CLVS1: variants seen among roughly 807,000 people sequenced by gnomAD.
CLVS1 encodes clavesin-1.
Under a neutral mutation model 33.1 loss-of-function variants are expected in CLVS1, and 10 were observed. That is an observed-to-expected ratio of 0.30 (90% CI 0.19 to 0.51). The LOEUF is 0.51. Ranked by LOEUF, CLVS1 falls within the 20% of genes least tolerant of loss-of-function variation. The pLI, the probability that CLVS1 is intolerant of heterozygous loss-of-function variation, is 0.97. For missense variants in CLVS1, 343 were observed against 433.4 expected (o/e 0.79, Z 1.85); for synonymous variants, 163 against 166.1 (o/e 0.98, Z 0.14).
intron 2 of CLVS1, among the ~76,000 whole-genome samples, chr8:61,244,061 A>T (rs1431990125): frequency 6.6e-6 from 1 of 152,156 alleles, no homozygotes; most frequent in East Asian, 1.9e-4. Flanking sequence ...GAGTGGTGAA[A>T]AATTTGTCAC....
intron 5 of CLVS1, among the ~76,000 whole-genome samples, chr8:61,488,139 C>T (rs1369648844): frequency 1.3e-5 from 2 of 152,190 alleles, no homozygotes; most frequent in African/African-American, 2.4e-5. Context: ...GAAATATCCA[C>T]GTGATTGAAA....
At chr8:61,177,088 G>A (rs979071872) in intron 2 of CLVS1, among the ~76,000 whole-genome samples, 1 of 152,150 alleles carries the variant, frequency 6.6e-6, no homozygotes, top group Non-Finnish European at 1.5e-5. Context: ...GGCGGGGCGG[G>A]GGGGCAAAGG....
intron 1 of CLVS1, among the ~76,000 whole-genome samples, chr8:61,078,776 G>A (rs994234785): frequency 6.6e-6 from 1 of 152,022 alleles, no homozygotes; most frequent in Non-Finnish European, 1.5e-5. Flanking sequence ...AGCTCTCCAT[G>A]GCTAATGATG....
chr8:60,984,327 CT>C, the CLVS1 span, among the ~76,000 whole-genome samples: 13 of 115,520 alleles, frequency 1.1e-4, no homozygotes, highest in Admixed American at 2.6e-4. Flanking sequence ...TTTTTTTTTT[CT>C]TTTTTTTTTG....
rs547127400 is a variant in CLVS1 at position 61,247,965 on chromosome 8, G to T, written c.-151-51712G>T. 2.6e-4 allele frequency among the ~76,000 whole-genome samples: 39 copies of T among 152,228 alleles called. 2 individuals carry two copies. The highest frequency in any genetic ancestry group is 9.4e-4 in the African/African-American group (39 of 41,542). On this transcript the variant is annotated intron_variant, in intron 2 of 2. Coordinates refer to the CLVS1 transcript ENST00000522621. ...CATCTTGAATTGATTTTTGTATATG[G>T]TGTAAGGAAGGGGGTCCAGTTTCAA...
At position 61,059,289 on chromosome 8, in the gene CLVS1, T is replaced by C. The variant is rs139887921; in HGVS notation, c.-243+2059T>C. Among the ~76,000 whole-genome samples, 627 of 152,032 alleles carry C rather than the reference T, an allele frequency of 4.1e-3. 9 individuals are homozygous for C. Among genetic ancestry groups the C allele is most frequent in the South Asian group, 0.028 (137 of 4,816 alleles). On this transcript the variant is annotated intron_variant, in intron 1 of 2. Coordinates refer to the CLVS1 transcript ENST00000522621. ...CATTTCCAGAATGACTAATGATGAA[T>C]GATGCTGAGTATCTTTTCACATGCT...
chr8:60,979,438 A>G, the CLVS1 span, among the ~76,000 whole-genome samples: 1 of 152,276 alleles, frequency 6.6e-6, no homozygotes, highest in Non-Finnish European at 1.5e-5. Context: ...ATGACTTAGT[A>G]GAAGAGCAAC....
intron 2 of CLVS1, among the ~76,000 whole-genome samples, chr8:61,226,887 C>T (rs1188260388): frequency 6.6e-6 from 1 of 151,992 alleles, no homozygotes; most frequent in Non-Finnish European, 1.5e-5. Flanking sequence ...GACAGTCTCC[C>T]TTTAGAAAGT....
chr8:61,211,042 G>A (rs1170846471), intron 2 of CLVS1, among the ~76,000 whole-genome samples: 1 of 152,100 alleles, frequency 6.6e-6, no homozygotes, highest in Non-Finnish European at 1.5e-5. Context: ...GGGATGGAGG[G>A]CTTAAAGAAA....
rs1247111567 is a variant in CLVS1, at chr8:61,203,121, C to A, written c.-152+71261C>A. The A allele has an allele frequency of 3.3e-6, 4 of 1,221,966 alleles. No individual in the cohort carries two copies. The African/African-American group carries it at 4.4e-5, about 14-fold the overall frequency. 75.7% of individuals were successfully genotyped at this position (1,221,966 alleles called of 1,614,324 possible). A position where few individuals can be genotyped will look rare whatever the true frequency, so the allele number is the denominator to read the frequency against. On this transcript the variant is annotated intron_variant, in intron 2 of 2. Transcript: ENST00000522621. Reference sequence around the variant, plus strand: ...CAAGCAAGTATAGAAAAAGGTGGTTCTCTTCCCAAAGTGGAAGCCAAGTTC... The same window carrying A: ...CAAGCAAGTATAGAAAAAGGTGGTTATCTTCCCAAAGTGGAAGCCAAGTTC...
At chr8:61,040,257 G>A in the CLVS1 span, among the ~76,000 whole-genome samples, 4 of 152,180 alleles carry the variant, frequency 2.6e-5, no homozygotes, top group African/African-American at 7.2e-5. Context: ...ATGTGCACCT[G>A]GATTGATTGC....
chr8:61,258,753 G>A (rs1373864412), intron 2 of CLVS1, among the ~76,000 whole-genome samples: 3 of 152,156 alleles, frequency 2.0e-5, no homozygotes, highest in Middle Eastern at 3.2e-3. Flanking sequence ...GTGAATTTCT[G>A]TATACTTAGA....
chr8:61,375,364 C>T (rs1202996018), intron 2 of CLVS1, among the ~76,000 whole-genome samples: 2 of 151,840 alleles, frequency 1.3e-5, no homozygotes, highest in Non-Finnish European at 2.9e-5. Flanking sequence ...GATTCTCCTG[C>T]CTCAGCCTCC....
At chr8:61,190,546 G>A (rs4292678) in intron 2 of CLVS1, among the ~76,000 whole-genome samples, 78,569 of 151,804 alleles carry the variant, frequency 0.52, 21,042 homozygotes, top group Middle Eastern at 0.69. Flanking sequence ...AAGGAGTTGG[G>A]GACACAAACA....
At chr8:61,099,203 T>C (rs902727245) in intron 1 of CLVS1, among the ~76,000 whole-genome samples, 3 of 152,146 alleles carry the variant, frequency 2.0e-5, no homozygotes, top group Non-Finnish European at 4.4e-5. Flanking sequence ...ATGGACGTCA[T>C]TGTCGTTTTA....
chr8:61,425,986 A>C (rs1158362689), intron 3 of CLVS1, among the ~76,000 whole-genome samples: 1 of 152,234 alleles, frequency 6.6e-6, no homozygotes, highest in South Asian at 2.1e-4. Context: ...TTAGAGCTGT[A>C]ATTACACTCT....
chr8:61,037,523 C>A, the CLVS1 span, among the ~76,000 whole-genome samples: 1 of 152,174 alleles, frequency 6.6e-6, no homozygotes, highest in Non-Finnish European at 1.5e-5. Context: ...TTTAAAGATC[C>A]ATTCATCCAT....
intron 1 of CLVS1, among the ~76,000 whole-genome samples, chr8:61,101,129 C>T (rs1194572726): frequency 3.3e-5 from 5 of 152,120 alleles, no homozygotes; most frequent in Non-Finnish European, 7.4e-5. Context: ...CATGACCATA[C>T]GTTTAAATAT....
At chr8:61,086,326 A>G (rs1440269567) in intron 1 of CLVS1, among the ~76,000 whole-genome samples, 3 of 152,172 alleles carry the variant, frequency 2.0e-5, no homozygotes. Context: ...TAAAAGTTGT[A>G]AAAGAAACTT....
Sources: gnomAD v4.1 joint callset for allele counts (sites outside exome capture counted in the v4.1 genomes callset) on GRCh38, gnomAD v4.1.1 for gene constraint, MANE v1.5 for transcripts, NCBI Gene and HGNC (gene_info 2026-07-23, HGNC 2026-07-21) for gene names.